The following WDPCP variants were observed in gnomAD, a reference collection of about 807,000 sequenced individuals.
WDPCP encodes the protein WD repeat containing planar cell polarity effector.
In WDPCP, 71 loss-of-function variants were observed where a neutral mutation model predicts 93.1. The ratio of observed to expected loss-of-function variants is 0.76; its 90% CI spans 0.63 to 0.93. The LOEUF is 0.93. Among genes scored for constraint, WDPCP ranks in the 40% least tolerant of loss-of-function variants. The pLI, the probability that WDPCP is intolerant of heterozygous loss-of-function variation, is 0.00. For missense variants in WDPCP, 844 were observed against 887.4 expected, an observed-to-expected ratio of 0.95 and a Z score of 0.62; for synonymous variants, 315 against 315.0, an observed-to-expected ratio of 1.00 and a Z score of 0.00.
chr2:63,392,777 C>A (rs770080615), intron 10 of WDPCP, among the ~76,000 whole-genome samples: 2 of 152,170 alleles, frequency 1.3e-5, no homozygotes, highest in African/African-American at 2.4e-5. Flanking sequence ...CCAATAGACA[C>A]ATGAAAAAAT....
intron 6 of WDPCP, among the ~76,000 whole-genome samples, chr2:63,451,595 G>C (rs887063382): frequency 3.9e-5 from 6 of 152,188 alleles, no homozygotes; most frequent in Non-Finnish European, 7.3e-5. Context: ...CTCATTTTAA[G>C]AGGCCAGCAT....
intron 9 of WDPCP, among the ~76,000 whole-genome samples, chr2:63,407,117 G>A (rs545969720): frequency 6.6e-6 from 1 of 152,068 alleles, no homozygotes; most frequent in African/African-American, 2.4e-5. Context: ...AGGGAATAGG[G>A]AGTGGCTGGA....
intron 3 of WDPCP, among the ~76,000 whole-genome samples, chr2:63,603,720 C>T (rs948340836): frequency 3.6e-5 from 5 of 138,338 alleles, no homozygotes; most frequent in African/African-American, 1.1e-4. Flanking sequence ...TGCAGTGGTG[C>T]GATCTTGGCT....
At chr2:63,128,672 T>G (rs2153398181) in intron 17 of WDPCP, among the ~76,000 whole-genome samples, 1 of 152,280 alleles carries the variant, frequency 6.6e-6, no homozygotes, top group South Asian at 2.1e-4. Context: ...TGATAACCAC[T>G]GTTCTACTTA....
At chr2:63,818,217 C>T (rs1670968234) in intron 1 of WDPCP, among the ~76,000 whole-genome samples, 1 of 152,226 alleles carries the variant, frequency 6.6e-6, no homozygotes, top group Non-Finnish European at 1.5e-5. Context: ...AAGGGCCTAG[C>T]ACACTTGGTT....
At chr2:63,668,468 C>T (rs1710309941) in intron 2 of WDPCP, among the ~76,000 whole-genome samples, 1 of 152,204 alleles carries the variant, frequency 6.6e-6, no homozygotes, top group Admixed American at 6.5e-5. Context: ...ATTCCTAACC[C>T]AACCCCAAAA....
At chr2:63,425,767 G>C (rs1405176624) in intron 9 of WDPCP, among the ~76,000 whole-genome samples, 1 of 152,074 alleles carries the variant, frequency 6.6e-6, no homozygotes, top group Non-Finnish European at 1.5e-5. Context: ...TTTCTCAGAG[G>C]GAAGAAGAGA....
chr2:63,742,067 T>C (rs952071772), intron 2 of WDPCP, among the ~76,000 whole-genome samples: 3 of 152,146 alleles, frequency 2.0e-5, no homozygotes, highest in Non-Finnish European at 2.9e-5. Flanking sequence ...TGGGCTTGAC[T>C]CAGTCTGATG....
chr2:63,770,004 T>C (rs922527842), intron 2 of WDPCP, among the ~76,000 whole-genome samples: 2 of 152,024 alleles, frequency 1.3e-5, no homozygotes, highest in South Asian at 2.1e-4. Context: ...AAATGCCATG[T>C]ATGAGTCTGA....
At chr2:63,288,904 G>A (rs1053637496) in intron 13 of WDPCP, among the ~76,000 whole-genome samples, 3 of 151,328 alleles carry the variant, frequency 2.0e-5, no homozygotes, top group Non-Finnish European at 4.4e-5. Flanking sequence ...CTCAATGTAG[G>A]TTCAATCGAT....
intron 8 of WDPCP, among the ~76,000 whole-genome samples, chr2:63,436,051 A>G (rs1697116176): frequency 6.6e-6 from 1 of 152,138 alleles, no homozygotes; most frequent in African/African-American, 2.4e-5. Context: ...TTATCAAGCT[A>G]TCACACCTAA....
At chr2:63,631,158 G>T (rs1195698618) in intron 3 of WDPCP, among the ~76,000 whole-genome samples, 1 of 152,048 alleles carries the variant, frequency 6.6e-6, no homozygotes, top group African/African-American at 2.4e-5. Context: ...GTGCACACCT[G>T]TAATCCCAGG....
chr2:63,672,684 C>T lies in WDPCP; in HGVS notation n.309-21846G>A, dbSNP rs138821152. Among the ~76,000 whole-genome samples the T allele has an allele frequency of 9.4e-3, 1,417 of 150,426 alleles. 19 individuals are homozygous for T. Among genetic ancestry groups the T allele is most frequent in the African/African-American group, 0.033 (1,364 of 41,004 alleles). ...TCACTCTGTTGTCCAGGCTGGAGGG[C>T]AGTAGCATTATCCTGGCTCACTGAA... On this transcript the variant is annotated intron_variant and non_coding_transcript_variant, in intron 2 of 4. Coordinates refer to the WDPCP transcript ENST00000467687.
chr2:63,588,211 G>C lies in WDPCP; in HGVS notation c.61C>G (p.Pro21Ala), dbSNP rs1171221373. The change falls in exon 1 of 18, where the codon CCA becomes GCA. Residue 21 changes from proline to alanine, a missense_variant. Coordinates refer to ENST00000272321, the MANE Select transcript of WDPCP (RefSeq NM_015910.7). Reference protein sequence around the residue: ...SKAAGSRASSPLPRQDRDSFC... With the variant: ...SKAAGSRASSALPRQDRDSFC... Reference sequence around the variant, plus strand: ...CCAGGGCTCACCTGTCTCGGGAGTGGGGAAGAAGCGCGACTCCCGGCCGCT... The same window carrying C: ...CCAGGGCTCACCTGTCTCGGGAGTGCGGAAGAAGCGCGACTCCCGGCCGCT... 7.0e-6 allele frequency: 11 copies of C among 1,571,370 alleles called. No individual in the cohort carries two copies. Among genetic ancestry groups the C allele is most frequent in the Middle Eastern group, 1.7e-4 (1 of 6,046 alleles).
At chr2:63,639,387 T>G (rs1321059208) in intron 3 of WDPCP, among the ~76,000 whole-genome samples, 1 of 152,132 alleles carries the variant, frequency 6.6e-6, no homozygotes, top group Admixed American at 6.5e-5. Flanking sequence ...CTCAAGCAAC[T>G]CTCCTGCCTC....
At chr2:63,674,347 G>A (rs1710378999) in intron 2 of WDPCP, among the ~76,000 whole-genome samples, 2 of 152,096 alleles carry the variant, frequency 1.3e-5, no homozygotes, top group South Asian at 2.1e-4. Flanking sequence ...AGTTTATCAG[G>A]TAGAATGAAA....
chr2:63,742,562 C>G (rs572074048), intron 2 of WDPCP, among the ~76,000 whole-genome samples: 139 of 151,484 alleles, frequency 9.2e-4, no homozygotes, highest in Non-Finnish European at 1.8e-3. Context: ...AAAGCCTCGT[C>G]TTGTTCAATC....
intron 9 of WDPCP, among the ~76,000 whole-genome samples, chr2:63,417,891 G>A (rs952648545): frequency 3.3e-5 from 5 of 151,314 alleles, no homozygotes; most frequent in Admixed American, 1.3e-4. Flanking sequence ...CAATAAAAAT[G>A]GGCTCAGATA....
chr2:63,753,546 G>A (rs1434392735), intron 2 of WDPCP, among the ~76,000 whole-genome samples: 2 of 152,166 alleles, frequency 1.3e-5, no homozygotes, highest in Non-Finnish European at 1.5e-5. Flanking sequence ...TTCTAGGGAG[G>A]CCTCAGGAAA....
Sources: allele counts gnomAD v4.1 joint callset (sites outside exome capture counted in the v4.1 genomes callset), GRCh38; gene constraint gnomAD v4.1.1; transcripts MANE v1.5; gene names NCBI Gene and HGNC (gene_info 2026-07-23, HGNC 2026-07-21).